BRWD3: variants seen among roughly 807,000 people sequenced by gnomAD.
The protein encoded by BRWD3 is bromodomain and WD repeat domain containing 3.
In BRWD3, 10 loss-of-function variants were observed where a neutral mutation model predicts 149.7. That is an observed-to-expected ratio of 0.07 (90% CI 0.04 to 0.11). The LOEUF is 0.11. BRWD3 is among the 10% of genes least tolerant of loss of function. The probability of loss-of-function intolerance (pLI) is 1.00; values close to 1 mark genes in which losing one functional copy is unlikely to be tolerated. For missense variants in BRWD3, 940 were observed against 1,373.2 expected (o/e 0.68, Z 4.99); for synonymous variants, 504 against 456.7 (o/e 1.10, Z -1.32).
intron 36 of BRWD3, among the ~76,000 whole-genome samples, chrX:80,684,698 T>C (rs1009701079): frequency 1.3e-4 from 14 of 111,606 alleles, no homozygotes; most frequent in Non-Finnish European, 1.1e-4. Flanking sequence ...GTCTTCCATC[T>C]TATAGGTCCA....
Position 80,673,009 on chromosome X carries a change from T to G in BRWD3, c.*3600A>C, listed in dbSNP as rs1271350052. ...TTTTTGAAAAATGCTCAAAAAAGTT[T>G]TATCAAAAAGTTAGAAGTGGCATTT... On this transcript the variant is annotated 3_prime_UTR_variant, in exon 41 of 41. Transcript: ENST00000373275. The G allele has an allele frequency of 1.8e-5, 2 of 112,261 alleles. No homozygotes were observed. Among genetic ancestry groups the G allele is most frequent in the Non-Finnish European group, 3.8e-5 (2 of 53,252 alleles). 9.3% of individuals were successfully genotyped at this position (112,261 alleles called of 1,213,427 possible).
chrX:80,686,989 G>A lies in BRWD3; in HGVS notation c.3879C>T (p.Gly1293=). 1 of 1,208,502 alleles carries A rather than the reference G, an allele frequency of 8.3e-7. No individual in the cohort carries two copies. Among genetic ancestry groups the A allele is most frequent in the Non-Finnish European group, 1.1e-6 (1 of 893,695 alleles). ...TSSGRKVKCR[G]RRQSLKCNPD... ...GATTACACTTTAAAGACTGTCTTCT[G>A]CCTCGGCATTTGACCTACAGATTTT... Residue 1293 remains glycine (G), a synonymous_variant, in exon 35 of 41, where the codon GGC becomes GGT. Transcript: ENST00000373275.
At chrX:80,708,678 T>C (rs940258159) in intron 21 of BRWD3, among the ~76,000 whole-genome samples, 4 of 111,075 alleles carry the variant, frequency 3.6e-5, no homozygotes, top group Non-Finnish European at 5.7e-5. Context: ...TAGCCATGCA[T>C]GGTGGCGCAT....
Position 80,676,387 on chromosome X carries a change from G to A in BRWD3, c.*222C>T, listed in dbSNP as rs1466150010. ...TGTGTATGTGTTTGTGTGTGTGTGG[G>A]CAGAATTTCTTTTAATTTAAGGCCT... On this transcript the variant is annotated 3_prime_UTR_variant, in exon 41 of 41. Transcript: ENST00000373275. 10 of 431,935 alleles carry A rather than the reference G, an allele frequency of 2.3e-5. No individual in the cohort carries two copies. Among genetic ancestry groups the A allele is most frequent in the African/African-American group, 5.0e-5 (2 of 39,907 alleles). 35.6% of individuals were successfully genotyped at this position (431,935 alleles called of 1,213,427 possible).
Position 80,736,029 on chromosome X carries a change from T to C in BRWD3, c.873A>G (p.Thr291=). 2 of 1,205,234 alleles carry C rather than the reference T, an allele frequency of 1.7e-6. No individual in the cohort carries two copies. Among genetic ancestry groups the C allele is most frequent in the Non-Finnish European group, 2.2e-6 (2 of 891,678 alleles). Residue 291 remains threonine (T), a synonymous_variant, in exon 9 of 41, where the codon ACA becomes ACG. Transcript: ENST00000373275. ...RYLTSTGADG[T]ICFWQWHVKT... is the part of the protein sequence containing the mutation. Reference sequence around the variant, plus strand: ...TTACATGCCATTGCCAGAAACAGATTGTTCCATCAGCACCAGTAGAAGTGA... The same window carrying C: ...TTACATGCCATTGCCAGAAACAGATCGTTCCATCAGCACCAGTAGAAGTGA...
At chrX:80,803,019 G>A (rs1339294652) in intron 4 of BRWD3, among the ~76,000 whole-genome samples, 34 of 108,065 alleles carry the variant, frequency 3.1e-4, no homozygotes, top group Non-Finnish European at 3.8e-5. Flanking sequence ...GGAGAATGGC[G>A]TGAACCCGGG....
In BRWD3 at chrX:80,700,029, A is replaced by G; in HGVS notation, c.2871T>C (p.Val957=). 1 of 1,210,410 alleles carries G rather than the reference A, an allele frequency of 8.3e-7. No individual in the cohort carries two copies. Among genetic ancestry groups the G allele is most frequent in the African/African-American group, 1.7e-5 (1 of 57,693 alleles). ...ATATTTTCGATTTCCTTACAGCCCG[A>G]ACATAAGCTTCATGTCCTTGCCTAA... ...IYFRQGHEAY[V]RAVRKSKIYS... is the part of the protein sequence containing the mutation. The change falls in exon 25 of 41, where the codon GTT becomes GTC. Residue 957 remains valine (V), a synonymous_variant. Coordinates refer to ENST00000373275, the MANE Select transcript of BRWD3 (RefSeq NM_153252.5).
In BRWD3 at chrX:80,676,854, T is replaced by C; in HGVS notation, c.5164A>G (p.Arg1722Gly). 1 of 1,211,415 alleles carries C rather than the reference T, an allele frequency of 8.3e-7. No individual in the cohort carries two copies. Among genetic ancestry groups the C allele is most frequent in the Non-Finnish European group, 1.1e-6 (1 of 895,352 alleles). The change falls in exon 41 of 41, where the codon AGA (arginine) becomes GGA (glycine). Residue 1722 changes from arginine (R) to glycine (G), a missense_variant. Coordinates refer to ENST00000373275, the MANE Select transcript of BRWD3 (RefSeq NM_153252.5). Reference protein sequence around the residue: ...GGRGASRGATRAKRARIADDE... With the variant: ...GGRGASRGATGAKRARIADDE... ...TCTGCAATACGTGCTCGTTTGGCTC[T>C]GGTAGCTCCTCTAGAAGCACCTCTT...
intron 6 of BRWD3, among the ~76,000 whole-genome samples, chrX:80,766,569 G>C (rs1394420344): frequency 8.9e-6 from 1 of 112,022 alleles, no homozygotes; most frequent in Non-Finnish European, 1.9e-5. Flanking sequence ...AGAGAAACTA[G>C]ATCACTAATG....
intron 20 of BRWD3, among the ~76,000 whole-genome samples, chrX:80,713,861 GGAGAGTCATGCCTTACAAACCATA>G (rs1440789758): frequency 1.8e-5 from 2 of 111,925 alleles, no homozygotes; most frequent in Non-Finnish European, 3.8e-5. Flanking sequence ...TCAAGGGTCT[GGAGAGTCATGCCTTACAAACCATA>G]GAGTCCCATC....
intron 28 of BRWD3, 81 bp from the exon 29 acceptor site, chrX:80,692,231 C>T (rs2072622898): frequency 1.1e-6 from 1 of 915,228 alleles, no homozygotes; most frequent in Non-Finnish European, 1.6e-6. Context: ...TACATGACTT[C>T]TTGGGGGTGA....
At chrX:80,677,446 C>A in intron 40 of BRWD3, 83 bp from the exon 41 acceptor site, 2 of 1,101,525 alleles carry the variant, frequency 1.8e-6, no homozygotes, top group Non-Finnish European at 2.4e-6. Flanking sequence ...GTCTACAGTT[C>A]CCAAAAATAT....
At chrX:80,778,863 G>T (rs1012026391) in intron 6 of BRWD3, among the ~76,000 whole-genome samples, 1 of 111,273 alleles carries the variant, frequency 9.0e-6, no homozygotes, top group African/African-American at 3.3e-5. Context: ...GCTGAGCGTG[G>T]TGGTGCACAC....
At chrX:80,724,872 A>C (rs1208351961) in intron 15 of BRWD3, 61 bp downstream of exon 15, 1 of 1,162,760 alleles carries the variant, frequency 8.6e-7, no homozygotes. Context: ...TTAATTAACC[A>C]AGTTATTATA....
chrX:80,719,494 T>A lies in BRWD3; in HGVS notation c.2039A>T (p.Asn680Ile), dbSNP rs752264694. 1.2e-5 allele frequency: 14 copies of A among 1,204,876 alleles called. No individual in the cohort carries two copies. The highest frequency in any genetic ancestry group is 1.6e-5 in the Non-Finnish European group (14 of 890,666). ...HLPVNRAYSV[N>I]GALRSPNMDI... ...ACAAGTATAAAAATACTTACCACCA[T>A]TAACAGAGTATGCTCTATTAACTGG... Residue 680 changes from asparagine to isoleucine, a missense_variant, in exon 18 of 41, where the codon AAT (asparagine) becomes ATT (isoleucine). Coordinates refer to ENST00000373275, the MANE Select transcript of BRWD3 (RefSeq NM_153252.5).
chrX:80,786,945 T>C (rs2074114617), intron 6 of BRWD3, among the ~76,000 whole-genome samples: 1 of 111,234 alleles, frequency 9.0e-6, no homozygotes, highest in African/African-American at 3.3e-5. Context: ...ACAACAGGGT[T>C]ATCTATATAA....
At chrX:80,731,661 G>A (rs961959625) in intron 12 of BRWD3, among the ~76,000 whole-genome samples, 2 of 110,199 alleles carry the variant, frequency 1.8e-5, no homozygotes, top group African/African-American at 6.6e-5. Context: ...TTGGGAGGCC[G>A]AGGCGGGCAG....
chrX:80,743,431 C>T (rs2073546966), intron 8 of BRWD3, among the ~76,000 whole-genome samples: 1 of 111,600 alleles, frequency 9.0e-6, no homozygotes, highest in Admixed American at 9.6e-5. Context: ...AGGGAGGATT[C>T]CCTCTTTTTC....
chrX:80,758,648 C>T (rs751900439), intron 6 of BRWD3, among the ~76,000 whole-genome samples: 41 of 110,209 alleles, frequency 3.7e-4, no homozygotes, highest in African/African-American at 1.3e-3. Context: ...CCCTTGGGAA[C>T]GACATTAAAA....
Sources: gnomAD v4.1 joint callset for allele counts (sites outside exome capture counted in the v4.1 genomes callset) on GRCh38, gnomAD v4.1.1 for gene constraint, MANE v1.5 for transcripts, NCBI Gene and HGNC (gene_info 2026-07-23, HGNC 2026-07-21) for gene names.